DEPDC5: variants seen among roughly 807,000 people sequenced by gnomAD.
The protein encoded by DEPDC5 is GATOR1 complex protein DEPDC5.
DEPDC5 carries 73 observed loss-of-function variants against 217.3 expected under a neutral mutation model. That is an observed-to-expected ratio of 0.34 (90% CI 0.28 to 0.41). DEPDC5 has a LOEUF of 0.41. Ranked by LOEUF, DEPDC5 falls within the 10% of genes least tolerant of loss-of-function variation. DEPDC5 has a pLI of 1.00. For missense variants in DEPDC5, 1,675 were observed against 2,070.1 expected (o/e 0.81, Z 3.70); for synonymous variants, 733 against 756.7 (o/e 0.97, Z 0.51).
chr22:31,836,630 T>C (rs984076526), intron 25 of DEPDC5, among the ~76,000 whole-genome samples: 3 of 152,240 alleles, frequency 2.0e-5, no homozygotes, highest in Non-Finnish European at 4.4e-5. Context: ...GCCTCCCTGC[T>C]CTTGGAACGT....
At position 31,815,890 on chromosome 22, in the gene DEPDC5, T is replaced by C. The variant is rs60678455; in HGVS notation, c.1666+678T>C. ...TTCATCCATCATTTAACTGTATGCC[T>C]TTCCATATGTTAATGGAAAGCTTTT... On this transcript the variant is annotated intron_variant, in intron 21 of 42. Coordinates refer to ENST00000651528, the MANE Select transcript of DEPDC5 (RefSeq NM_001242896.3). The C allele has an allele frequency of 2.1e-3, 2,227 of 1,054,450 alleles. 35 individuals are homozygous for C. In the African/African-American group the frequency reaches 0.03, roughly 14 times the overall value. 65.3% of individuals were successfully genotyped at this position (1,054,450 alleles called of 1,614,324 possible).
chr22:31,820,836 G>A (rs1202821338), intron 22 of DEPDC5, among the ~76,000 whole-genome samples: 1 of 152,130 alleles, frequency 6.6e-6, no homozygotes, highest in Non-Finnish European at 1.5e-5. Flanking sequence ...CTTCATCAGG[G>A]TTCCCTGTCT....
chr22:31,825,725 T>C (rs1023550618), intron 24 of DEPDC5, among the ~76,000 whole-genome samples: 1 of 152,206 alleles, frequency 6.6e-6, no homozygotes, highest in East Asian at 1.9e-4. Context: ...TAGTCCATAC[T>C]GTCACTGATG....
intron 41 of DEPDC5, among the ~76,000 whole-genome samples, chr22:31,903,903 C>T (rs748895289): frequency 1.5e-4 from 23 of 151,840 alleles, no homozygotes; most frequent in Non-Finnish European, 2.2e-4. Context: ...ATTTGTGTTT[C>T]CTTCTATAAT....
At chr22:31,854,278 ATAG>A in intron 31 of DEPDC5, among the ~76,000 whole-genome samples, 1 of 152,316 alleles carries the variant, frequency 6.6e-6, no homozygotes, top group East Asian at 1.9e-4. Context: ...GCATCAGCAT[ATAG>A]CAGGTGACTC....
chr22:31,900,449 TG>T (rs1166237806), intron 40 of DEPDC5, among the ~76,000 whole-genome samples: 1 of 151,744 alleles, frequency 6.6e-6, no homozygotes, highest in Admixed American at 6.6e-5. Context: ...TACAAAAAAG[TG>T]GGGGTGGGCC....
intron 33 of DEPDC5, 39 bp from the exon 34 acceptor site, chr22:31,870,551 A>G (rs1280759199): frequency 6.9e-7 from 1 of 1,459,012 alleles, no homozygotes. Flanking sequence ...CCTGTCAGTT[A>G]TTTTTGGAAT....
intron 38 of DEPDC5, among the ~76,000 whole-genome samples, chr22:31,889,517 G>A (rs1017373015): frequency 1.4e-5 from 2 of 147,314 alleles, no homozygotes; most frequent in East Asian, 2.0e-4. Flanking sequence ...AACACACAGT[G>A]TCCAAGACCA....
At chr22:31,889,541 C>CTTTTT (rs136874) in intron 38 of DEPDC5, among the ~76,000 whole-genome samples, 4 of 99,560 alleles carry the variant, frequency 4.0e-5, no homozygotes, top group East Asian at 2.7e-4. Flanking sequence ...GGCAAAACTT[C>CTTTTT]TTTTTTTTTT....
chr22:31,900,027 C>A (rs2093621458), intron 40 of DEPDC5, among the ~76,000 whole-genome samples: 1 of 152,152 alleles, frequency 6.6e-6, no homozygotes, highest in African/African-American at 2.4e-5. Context: ...GATTACTCTT[C>A]AAACTTTTAT....
chr22:31,767,365 G>C (rs573923566), intron 6 of DEPDC5, among the ~76,000 whole-genome samples: 3 of 151,390 alleles, frequency 2.0e-5, no homozygotes, highest in Non-Finnish European at 4.4e-5. Context: ...GCGTGATCTC[G>C]GCTCACCACA....
intron 38 of DEPDC5, among the ~76,000 whole-genome samples, chr22:31,883,603 A>G (rs1220471375): frequency 6.6e-6 from 1 of 152,216 alleles, no homozygotes; most frequent in Non-Finnish European, 1.5e-5. Flanking sequence ...CCTGATGGGT[A>G]CTACAATTTA....
intron 26 of DEPDC5, among the ~76,000 whole-genome samples, chr22:31,837,999 G>A (rs115594333): frequency 0.025 from 3,795 of 152,212 alleles, 60 homozygotes; most frequent in African/African-American, 0.041. Flanking sequence ...TGCTGCACTG[G>A]CTGTGGGTAA....
In DEPDC5 at chr22:31,825,278, G is replaced by GT. The variant is rs2090052756; in HGVS notation, c.2104+2492dup. Among the ~76,000 whole-genome samples the GT allele has an allele frequency of 2.0e-5, 3 of 152,134 alleles. No homozygotes were observed. In the South Asian group the frequency reaches 6.2e-4, roughly 32 times the overall value. ...GACCAGTTGATTTCCCATAAAATTT[G>GT]TTTTAGAATTTTAAAATCATTTTAG... On this transcript the variant is annotated intron_variant, in intron 24 of 42. Transcript: ENST00000651528.
intron 38 of DEPDC5, among the ~76,000 whole-genome samples, chr22:31,881,497 G>C (rs979689399): frequency 6.6e-6 from 1 of 151,854 alleles, no homozygotes; most frequent in Non-Finnish European, 1.5e-5. Context: ...CTTCCTTGAC[G>C]TTTTTTTGGG....
At chr22:31,805,912 G>T (rs1208255065) in intron 17 of DEPDC5, among the ~76,000 whole-genome samples, 1 of 152,130 alleles carries the variant, frequency 6.6e-6, no homozygotes, top group East Asian at 1.9e-4. Context: ...ATTTTGGTCA[G>T]TGTAGCCAGA....
Position 31,820,112 on chromosome 22 carries a change from T to G in DEPDC5, c.1870+887T>G, listed in dbSNP as rs866876265. 3.0e-4 allele frequency among the ~76,000 whole-genome samples: 45 copies of G among 151,494 alleles called. 1 individual carries two copies. The South Asian group carries it at 9.4e-3, about 32-fold the overall frequency. On this transcript the variant is annotated intron_variant, in intron 22 of 42. Coordinates refer to ENST00000651528, the MANE Select transcript of DEPDC5 (RefSeq NM_001242896.3). ...AACAAATGCATTAAACTCCAGGATT[T>G]TGTGTGTGTGTGTGTGTGAGACAGT...
At chr22:31,843,414 T>C (rs2091516730) in intron 28 of DEPDC5, among the ~76,000 whole-genome samples, 2 of 152,198 alleles carry the variant, frequency 1.3e-5, no homozygotes, top group Admixed American at 1.3e-4. Context: ...TTATAATGTT[T>C]AGCATGATTC....
intron 37 of DEPDC5, among the ~76,000 whole-genome samples, chr22:31,877,904 A>G (rs1315971703): frequency 6.6e-6 from 1 of 151,610 alleles, no homozygotes; most frequent in Non-Finnish European, 1.5e-5. Context: ...AGAATCAAAC[A>G]TGGCCGGGAG....
Sources: gnomAD v4.1 joint callset for allele counts (sites outside exome capture counted in the v4.1 genomes callset) on GRCh38, gnomAD v4.1.1 for gene constraint, MANE v1.5 for transcripts, NCBI Gene and HGNC (gene_info 2026-07-23, HGNC 2026-07-21) for gene names.